The following PELO variants were observed in gnomAD, a reference collection of about 807,000 sequenced individuals.
PELO encodes the protein protein pelota homolog.
In PELO, 19 loss-of-function variants were observed where a neutral mutation model predicts 25.9. The ratio of observed to expected loss-of-function variants is 0.73; its 90% CI spans 0.51 to 1.08. The LOEUF (loss-of-function observed/expected upper bound fraction) is 1.08. Ranked by LOEUF, PELO falls within the 50% of genes least tolerant of loss-of-function variation. PELO has a pLI of 0.00. For synonymous variants in PELO, 196 were observed against 192.2 expected (o/e 1.02, Z -0.16); for missense variants, 498 against 491.4 (o/e 1.01, Z -0.13).
intron 1 of PELO, among the ~76,000 whole-genome samples, chr5:52,788,997 G>T (rs1210237511): frequency 6.6e-6 from 1 of 152,120 alleles, no homozygotes; most frequent in Admixed American, 6.5e-5. Context: ...AGAAAGGAAT[G>T]GTGAACATTT....
chr5:52,788,363 C>G lies in PELO; in HGVS notation c.-562C>G. ...TGAGGCTGCTCCGGCCATGGCCCCT[C>G]GGCCCCGCGCCCGCCCAGGGGTCGC... On this transcript the variant is annotated 5_prime_UTR_variant, in exon 1 of 3. Transcript: ENST00000274311. The G allele has an allele frequency of 1.3e-6, 2 of 1,510,882 alleles. No homozygotes were observed. Among genetic ancestry groups the G allele is most frequent in the Non-Finnish European group, 1.8e-6 (2 of 1,133,928 alleles). 93.6% of individuals were successfully genotyped at this position (1,510,882 alleles called of 1,614,324 possible).
In PELO at chr5:52,800,048, C is replaced by G. The variant is rs1341171717; in HGVS notation, c.-347C>G. ...TGCGGCCCCGCCTCTCCTTTGGGGACGGGAGACGTGCGTCGGGTCGCGGGA... is the reference window on the plus strand; with the variant it reads ...TGCGGCCCCGCCTCTCCTTTGGGGAGGGGAGACGTGCGTCGGGTCGCGGGA... On this transcript the variant is annotated 5_prime_UTR_variant, in exon 2 of 3. Coordinates refer to ENST00000274311, the MANE Select transcript of PELO (RefSeq NM_015946.5). 2.9e-4 allele frequency: 91 copies of G among 312,374 alleles called. No homozygotes were observed. The highest frequency in any genetic ancestry group is 2.4e-5 in the Non-Finnish European group (4 of 164,650). 19.4% of individuals were successfully genotyped at this position (312,374 alleles called of 1,614,324 possible). A position where few individuals can be genotyped will look rare whatever the true frequency, so the allele number is the denominator to read the frequency against.
rs1176205894 is a variant in PELO at position 52,800,662 on chromosome 5, G to C, written c.268G>C (p.Glu90Gln). 6.2e-7 allele frequency: 1 copy of C among 1,614,174 alleles called. No individual in the cohort carries two copies. The highest frequency in any genetic ancestry group is 1.3e-5 in the African/African-American group (1 of 75,048). The change falls in exon 2 of 3, where the codon GAG becomes CAG. Residue 90 changes from glutamate (E) to glutamine (Q), a missense_variant. Physicochemically the swap from Glu to Gln is conservative, Grantham distance 29. Coordinates refer to ENST00000274311, the MANE Select transcript of PELO (RefSeq NM_015946.5). The part of the protein sequence containing the change: ...QLRVKGTNIQ[E>Q]NEYVKMGAYH... Reference sequence around the variant, plus strand: ...GCGGGTTAAGGGGACCAACATCCAAGAGAATGAGTATGTCAAGATGGGGGC... The same window carrying C: ...GCGGGTTAAGGGGACCAACATCCAACAGAATGAGTATGTCAAGATGGGGGC...
chr5:52,794,047 G>A (rs1196673366), intron 1 of PELO, among the ~76,000 whole-genome samples: 2 of 151,950 alleles, frequency 1.3e-5, no homozygotes, highest in Non-Finnish European at 2.9e-5. Context: ...TGCATATGCT[G>A]GTTGGTGTTA....
intron 1 of PELO, 80 bp downstream of exon 1, chr5:52,788,494 TG>T (rs1748172152): frequency 8.4e-7 from 1 of 1,196,128 alleles, no homozygotes; most frequent in Non-Finnish European, 1.1e-6. Context: ...CTCAGAGCCA[TG>T]GGCCAGATAG....
intron 1 of PELO, among the ~76,000 whole-genome samples, chr5:52,795,757 A>C (rs1022953425): frequency 2.6e-5 from 4 of 151,954 alleles, no homozygotes; most frequent in African/African-American, 9.7e-5. Context: ...TCTATAATTT[A>C]TTAATATCAA....
At position 52,802,515 on chromosome 5, in the gene PELO, T is replaced by G. The variant is rs984141248; in HGVS notation, c.*675T>G. Reference sequence around the variant, plus strand: ...TAACTTAAATCAGTTATTTTTAGCTTTTTAGAACTTTGATCTGCTAGGGAT... The same window carrying G: ...TAACTTAAATCAGTTATTTTTAGCTGTTTAGAACTTTGATCTGCTAGGGAT... On this transcript the variant is annotated 3_prime_UTR_variant, in exon 3 of 3. Coordinates refer to ENST00000274311, the MANE Select transcript of PELO (RefSeq NM_015946.5). The G allele has an allele frequency of 6.6e-6, 1 of 152,164 alleles. No individual in the cohort carries two copies. Among genetic ancestry groups the G allele is most frequent in the African/African-American group, 2.4e-5 (1 of 41,430 alleles). The allele number at this position is 152,164 out of a possible 1,614,324, so 9.4% of individuals were successfully genotyped here. A position where few individuals can be genotyped will look rare whatever the true frequency, so the allele number is the denominator to read the frequency against.
In PELO at chr5:52,801,110, A is replaced by C; in HGVS notation, c.716A>C (p.Lys239Thr). The C allele has an allele frequency of 6.2e-7, 1 of 1,601,298 alleles. No individual in the cohort carries two copies. The highest frequency in any genetic ancestry group is 8.5e-7 in the Non-Finnish European group (1 of 1,172,646). The part of the protein sequence containing the change: ...DNKLLLENRS[K>T]FLQVHASSGH... ...AAACTGCTCCTGGAAAACCGGTCCA[A>C]ATTTCTTCAGGTAAAACAATCTTAC... Residue 239 changes from lysine to threonine, a missense_variant, in exon 2 of 3, where the codon AAA (lysine) becomes ACA (threonine). Coordinates refer to ENST00000274311, the MANE Select transcript of PELO (RefSeq NM_015946.5).
chr5:52,789,995 T>C (rs916233421), intron 1 of PELO, among the ~76,000 whole-genome samples: 1 of 152,222 alleles, frequency 6.6e-6, no homozygotes, highest in South Asian at 2.1e-4. Flanking sequence ...ACTATATTTA[T>C]GCCCATTTCG....
rs1342063387 is a variant in PELO at position 52,803,149 on chromosome 5, T to G, written c.*1309T>G. 1 of 152,162 alleles carries G rather than the reference T, an allele frequency of 6.6e-6. No homozygotes were observed. The highest frequency in any genetic ancestry group is 1.5e-5 in the Non-Finnish European group (1 of 68,032). The allele number at this position is 152,162 out of a possible 1,614,324, so 9.4% of individuals were successfully genotyped here. Reference sequence around the variant, plus strand: ...CGGTCTTTCCTGTGTCTGTGGGCCTTCCTCCTGGTGTGACAGACTTGGGGA... The same window carrying G: ...CGGTCTTTCCTGTGTCTGTGGGCCTGCCTCCTGGTGTGACAGACTTGGGGA... On this transcript the variant is annotated 3_prime_UTR_variant, in exon 3 of 3. Transcript: ENST00000274311.
Position 52,788,005 on chromosome 5 carries a change from T to TA in PELO, c.-919dup, listed in dbSNP as rs1213374181. On this transcript the variant is annotated 5_prime_UTR_variant, in exon 1 of 3. It introduces an in-frame stop codon into an upstream open reading frame of the 5' UTR. Transcript: ENST00000274311. ...CAGATGTCCCTTTAAGGTTTGCTTC[T>TA]ACAGCCCGTGGACTTTAGCCTAAAC... The TA allele has an allele frequency of 3.8e-6, 1 of 262,738 alleles. No homozygotes were observed. Among genetic ancestry groups the TA allele is most frequent in the Non-Finnish European group, 7.2e-6 (1 of 139,376 alleles). The allele number at this position is 262,738 out of a possible 1,614,324, so 16.3% of individuals were successfully genotyped here. A position where few individuals can be genotyped will look rare whatever the true frequency, so the allele number is the denominator to read the frequency against.
chr5:52,801,312 G>T, intron 2 of PELO, 97 bp from the exon 3 acceptor site: 1 of 1,169,028 alleles, frequency 8.6e-7, no homozygotes, highest in South Asian at 1.5e-5. Context: ...TGAAACATAT[G>T]AAGCCTTACT....
chr5:52,796,241 C>T (rs1748339287), intron 1 of PELO, among the ~76,000 whole-genome samples: 1 of 151,796 alleles, frequency 6.6e-6, no homozygotes, highest in Non-Finnish European at 1.5e-5. Flanking sequence ...TGACTTCTAG[C>T]CCAGTTCTCT....
intron 2 of PELO, 124 bp from the exon 3 acceptor site, chr5:52,801,285 T>G: frequency 8.7e-7 from 1 of 1,145,234 alleles, no homozygotes; most frequent in African/African-American, 1.6e-5. Flanking sequence ...CTAGCAAATT[T>G]ATGGAGTAAA....
Position 52,801,129 on chromosome 5 carries a change from A to T in PELO, c.726+9A>T. On this transcript the variant is annotated intron_variant, in intron 2 of 2. Coordinates refer to ENST00000274311, the MANE Select transcript of PELO (RefSeq NM_015946.5). ...GGTCCAAATTTCTTCAGGTAAAACA[A>T]TCTTACCCAGGGATAATTAAGAATG... 1.3e-6 allele frequency: 2 copies of T among 1,586,510 alleles called. No homozygotes were observed. Among genetic ancestry groups the T allele is most frequent in the Non-Finnish European group, 1.7e-6 (2 of 1,165,158 alleles).
intron 1 of PELO, among the ~76,000 whole-genome samples, chr5:52,799,169 T>C (rs1179399252): frequency 6.6e-6 from 1 of 152,158 alleles, no homozygotes; most frequent in Non-Finnish European, 1.5e-5. Context: ...CTCAAGAAAC[T>C]TTTAGATTCT....
chr5:52,788,849 T>C (rs914949680), intron 1 of PELO, among the ~76,000 whole-genome samples: 1 of 150,232 alleles, frequency 6.7e-6, no homozygotes, highest in African/African-American at 2.4e-5. Context: ...TGGACATTAT[T>C]GAATTTTCTT....
At position 52,800,445 on chromosome 5, in the gene PELO, C is replaced by A. The variant is rs199820732; in HGVS notation, c.51C>A (p.Thr17=). The A allele has an allele frequency of 2.7e-5, 44 of 1,614,000 alleles. 1 individual carries two copies. The East Asian group carries it at 9.6e-4, about 35-fold the overall frequency. Residue 17 remains threonine, a synonymous_variant, in exon 2 of 3, where the codon ACC becomes ACA. Coordinates refer to ENST00000274311, the MANE Select transcript of PELO (RefSeq NM_015946.5). Reference sequence around the variant, plus strand: ...AGAAGGACAATGCGGGCCAGGTGACCCTGGTCCCCGAGGAGCCTGAGGACA... The same window carrying A: ...AGAAGGACAATGCGGGCCAGGTGACACTGGTCCCCGAGGAGCCTGAGGACA... ...NIEKDNAGQV[T]LVPEEPEDMW...
chr5:52,800,626 GC>G lies in PELO; in HGVS notation c.234del (p.Cys79AlafsTer73). ...GGAGGCCATCGACTTCGACTCTCAA[GC>G]CTGCCAGCTGCGGGTTAAGGGGACC... Reference protein sequence around the residue: ...CVEAIDFDSQACQLRVKGTNI... With the variant: ...CVEAIDFDSQXCQLRVKGTNI... On this transcript the variant is annotated frameshift_variant, in exon 2 of 3. Coordinates refer to ENST00000274311, the MANE Select transcript of PELO (RefSeq NM_015946.5). LOFTEE classifies it high-confidence loss of function. 6.2e-7 allele frequency: 1 copy of G among 1,614,072 alleles called. No homozygotes were observed. The highest frequency in any genetic ancestry group is 8.5e-7 in the Non-Finnish European group (1 of 1,179,966).
Sources: gnomAD v4.1 joint callset for allele counts (sites outside exome capture counted in the v4.1 genomes callset) on GRCh38, gnomAD v4.1.1 for gene constraint, MANE v1.5 for transcripts, NCBI Gene and HGNC (gene_info 2026-07-23, HGNC 2026-07-21) for gene names.